The following NPAS2 variants were observed in gnomAD, a reference collection of about 807,000 sequenced individuals.
The protein encoded by NPAS2 is neuronal PAS domain protein 2.
In NPAS2, 23 loss-of-function variants were observed where a neutral mutation model predicts 107.5. The observed-to-expected ratio is 0.21, with a 90% CI of 0.15 to 0.30. The LOEUF (loss-of-function observed/expected upper bound fraction) is 0.30. Ranked by LOEUF, NPAS2 falls within the 10% of genes least tolerant of loss-of-function variation. The pLI, the probability that NPAS2 is intolerant of heterozygous loss-of-function variation, is 1.00. For synonymous variants in NPAS2, 403 were observed against 417.5 expected, an observed-to-expected ratio of 0.97 and a Z score of 0.42; for missense variants, 756 against 1,043.3, an observed-to-expected ratio of 0.72 and a Z score of 3.79.
intron 1 of NPAS2, among the ~76,000 whole-genome samples, chr2:100,882,971 G>A (rs1459403633): frequency 3.3e-5 from 5 of 152,122 alleles, no homozygotes; most frequent in Non-Finnish European, 7.3e-5. Context: ...AGATAGTCTT[G>A]GGGATGGAAG....
At chr2:100,833,743 G>A (rs1676884445) in intron 1 of NPAS2, among the ~76,000 whole-genome samples, 1 of 152,194 alleles carries the variant, frequency 6.6e-6, no homozygotes, top group African/African-American at 2.4e-5. Context: ...TGGGATGTGT[G>A]GGGCTGTTTT....
intron 7 of NPAS2, among the ~76,000 whole-genome samples, chr2:100,956,582 G>A (rs540215889): frequency 1.4e-4 from 21 of 152,272 alleles, no homozygotes; most frequent in Non-Finnish European, 2.1e-4. Flanking sequence ...CACGGCTAAC[G>A]CGCTCTCTTC....
chr2:100,991,267 C>T (rs1056897776), intron 19 of NPAS2, among the ~76,000 whole-genome samples: 1 of 152,130 alleles, frequency 6.6e-6, no homozygotes, highest in Non-Finnish European at 1.5e-5. Context: ...GCACCGTGCT[C>T]GGGCCCGTCT....
chr2:100,887,353 TCCTCCGTGGCATGGGG>T (rs774139813), intron 1 of NPAS2, among the ~76,000 whole-genome samples: 23 of 152,196 alleles, frequency 1.5e-4, no homozygotes, highest in Non-Finnish European at 3.1e-4. Context: ...AGCAGTGGCC[TCCTCCGTGGCATGGGG>T]CCTTGTGCCC....
intron 1 of NPAS2, among the ~76,000 whole-genome samples, chr2:100,842,081 G>GCGCGCGCGCGCACACACACACACACA: frequency 1.2e-3 from 180 of 148,902 alleles, no homozygotes; most frequent in East Asian, 2.6e-3. Context: ...GCATGTACGC[G>GCGCGCGCGCGCACACACACACACACA]CACACACACA....
At chr2:100,850,611 T>C (rs1458051526) in intron 1 of NPAS2, among the ~76,000 whole-genome samples, 1 of 152,134 alleles carries the variant, frequency 6.6e-6, no homozygotes, top group Non-Finnish European at 1.5e-5. Context: ...GATGAATGGA[T>C]AAATAAAATA....
At chr2:100,912,688 T>C (rs1043105275) in intron 2 of NPAS2, among the ~76,000 whole-genome samples, 1 of 152,248 alleles carries the variant, frequency 6.6e-6, no homozygotes, top group East Asian at 1.9e-4. Flanking sequence ...TATGGAGATA[T>C]GGCTTCCTCA....
chr2:100,926,980 C>A, intron 3 of NPAS2, among the ~76,000 whole-genome samples: 1 of 147,462 alleles, frequency 6.8e-6, no homozygotes. Flanking sequence ...GTTCTGTCAC[C>A]AAGACTGGAG....
intron 4 of NPAS2, among the ~76,000 whole-genome samples, chr2:100,936,047 C>T (rs963808161): frequency 8.5e-5 from 13 of 152,232 alleles, no homozygotes; most frequent in African/African-American, 3.1e-4. Context: ...TTGAGAACCA[C>T]TGATGTCATC....
intron 5 of NPAS2, among the ~76,000 whole-genome samples, chr2:100,947,324 G>A (rs1016640273): frequency 6.6e-6 from 1 of 152,128 alleles, no homozygotes; most frequent in South Asian, 2.1e-4. Context: ...GCCGGGGTGG[G>A]CGGATCACCT....
At chr2:100,868,195 A>G (rs1679366808) in intron 1 of NPAS2, among the ~76,000 whole-genome samples, 2 of 152,210 alleles carry the variant, frequency 1.3e-5, no homozygotes, top group South Asian at 4.1e-4. Flanking sequence ...TTTTGTTAGT[A>G]GCAAACTTTT....
intron 13 of NPAS2, 133 bp from the exon 14 acceptor site, chr2:100,975,325 C>T: frequency 1.3e-6 from 1 of 786,534 alleles, no homozygotes; most frequent in Non-Finnish European, 2.1e-6. Context: ...CTCAACCCTG[C>T]ATGGTGGACT....
intron 7 of NPAS2, among the ~76,000 whole-genome samples, chr2:100,962,301 C>T (rs571834292): frequency 2.6e-5 from 4 of 151,932 alleles, no homozygotes; most frequent in African/African-American, 9.7e-5. Flanking sequence ...CTTTTAGAAA[C>T]CTATAAATAT....
At position 100,990,799 on chromosome 2, in the gene NPAS2, A is replaced by G; in HGVS notation, c.2038A>G (p.Ile680Val). The change falls in exon 19 of 21, where the codon ATC (isoleucine) becomes GTC (valine). Residue 680 changes from isoleucine to valine, a missense_variant. Ile to Val is a conservative substitution (Grantham distance 29). This residue lies in a region of NPAS2 where 496 missense variants were observed against 594.4 expected (regional missense o/e 0.83). Coordinates refer to ENST00000335681, the MANE Select transcript of NPAS2 (RefSeq NM_002518.4). Reference protein sequence around the residue: ...RQLRLLLSQPIQPMMPGSCDA... With the variant: ...RQLRLLLSQPVQPMMPGSCDA... ...TTAAAGGCTGTTGCTGAGCCAGCCC[A>G]TCCAGCCCATGATGCCCGGGTCCTG... 3.1e-6 allele frequency: 5 copies of G among 1,614,192 alleles called. No individual in the cohort carries two copies. The highest frequency in any genetic ancestry group is 4.2e-6 in the Non-Finnish European group (5 of 1,180,030).
At chr2:100,889,577 G>A (rs1036614088) in intron 1 of NPAS2, among the ~76,000 whole-genome samples, 22 of 152,164 alleles carry the variant, frequency 1.4e-4, no homozygotes, top group African/African-American at 2.7e-4. Flanking sequence ...TTACCACACC[G>A]GATATCCTGA....
chr2:100,849,530 C>T (rs1678011556), intron 1 of NPAS2, among the ~76,000 whole-genome samples: 1 of 152,094 alleles, frequency 6.6e-6, no homozygotes, highest in African/African-American at 2.4e-5. Flanking sequence ...GGGCTTCCTT[C>T]ACCTTGAAAA....
chr2:100,843,583 T>C (rs1677583711), intron 1 of NPAS2, among the ~76,000 whole-genome samples: 1 of 152,222 alleles, frequency 6.6e-6, no homozygotes, highest in Admixed American at 6.5e-5. Context: ...TACTGATATT[T>C]GTTCATTGTT....
At chr2:100,873,988 G>GTT (rs149619205) in intron 1 of NPAS2, among the ~76,000 whole-genome samples, 19 of 150,032 alleles carry the variant, frequency 1.3e-4, no homozygotes, top group East Asian at 3.9e-4. Context: ...TTTGTTTTTT[G>GTT]TTTTTTTTTG....
intron 11 of NPAS2, among the ~76,000 whole-genome samples, chr2:100,969,386 A>C (rs1478938259): frequency 2.0e-5 from 3 of 151,952 alleles, no homozygotes; most frequent in African/African-American, 7.2e-5. Context: ...CCGGTGTGTG[A>C]TGTTCCCCTC....
Sources: gnomAD v4.1 joint callset for allele counts (sites outside exome capture counted in the v4.1 genomes callset) on GRCh38, gnomAD v4.1.1 for gene constraint, gnomAD v4.1.1 regional missense constraint, MANE v1.5 for transcripts, NCBI Gene and HGNC (gene_info 2026-07-23, HGNC 2026-07-21) for gene names.